RERE: variants seen among roughly 807,000 people sequenced by gnomAD.
RERE encodes the protein arginine-glutamic acid dipeptide repeats protein.
RERE carries 40 observed loss-of-function variants against 146.1 expected under a neutral mutation model. The observed-to-expected ratio is 0.27, with a 90% CI of 0.21 to 0.36. RERE has a LOEUF of 0.36. Among genes scored for constraint, RERE ranks in the 10% least tolerant of loss-of-function variants. RERE has a pLI of 1.00. For missense variants in RERE, 1,933 were observed against 2,138.7 expected (o/e 0.90, Z 1.90); for synonymous variants, 1,003 against 866.0 (o/e 1.16, Z -2.78).
At chr1:8,560,644 T>C (rs540966452) in intron 4 of RERE, among the ~76,000 whole-genome samples, 6 of 152,274 alleles carry the variant, frequency 3.9e-5, no homozygotes, top group East Asian at 3.9e-4. Flanking sequence ...ACTGAAAGAA[T>C]AGAAAAGACA....
chr1:8,386,013 TATATATATA>T (rs1314270438), intron 12 of RERE, among the ~76,000 whole-genome samples: 3 of 42,254 alleles, frequency 7.1e-5, no homozygotes, highest in Non-Finnish European at 4.4e-5. Context: ...TATATATATA[TATATATATA>T]TTTTTTTTTT....
chr1:8,391,169 C>G (rs866299311), intron 12 of RERE, among the ~76,000 whole-genome samples: 1 of 152,194 alleles, frequency 6.6e-6, no homozygotes, highest in Admixed American at 6.5e-5. Flanking sequence ...TTGTCACATT[C>G]TCAGCACAAA....
chr1:8,447,472 G>C (rs1429234407), intron 11 of RERE, among the ~76,000 whole-genome samples: 1 of 152,056 alleles, frequency 6.6e-6, no homozygotes, highest in East Asian at 1.9e-4. Flanking sequence ...CCTTCAGATG[G>C]GGTTTCTGTG....
At chr1:8,559,300 A>AAAAAAAAAAAAAAAAAC (rs1646048085) in intron 4 of RERE, among the ~76,000 whole-genome samples, 2 of 145,870 alleles carry the variant, frequency 1.4e-5, no homozygotes, top group Non-Finnish European at 3.0e-5. Flanking sequence ...AAAAAAAAAA[A>AAAAAAAAAAAAAAAAAC]AAAACAGAAC....
chr1:8,577,310 C>T (rs1646308270), intron 4 of RERE, among the ~76,000 whole-genome samples: 1 of 152,122 alleles, frequency 6.6e-6, no homozygotes, highest in Admixed American at 6.5e-5. Context: ...TGCTCTCTCT[C>T]TCTCCCCTCT....
At chr1:8,552,284 A>C (rs1003775439) in intron 6 of RERE, among the ~76,000 whole-genome samples, 2 of 152,200 alleles carry the variant, frequency 1.3e-5, no homozygotes, top group Non-Finnish European at 2.9e-5. Context: ...AACCTTATAC[A>C]TCAGTTTCCT....
At chr1:8,600,647 T>TA (rs1646610187) in intron 4 of RERE, among the ~76,000 whole-genome samples, 1 of 151,848 alleles carries the variant, frequency 6.6e-6, no homozygotes, top group Non-Finnish European at 1.5e-5. Flanking sequence ...ATTAACCAAA[T>TA]ACTAAAGTTA....
intron 4 of RERE, among the ~76,000 whole-genome samples, chr1:8,572,023 C>G (rs1646227837): frequency 6.6e-6 from 1 of 152,216 alleles, no homozygotes; most frequent in South Asian, 2.1e-4. Flanking sequence ...ATGTTCATAT[C>G]TTCTGCAGTA....
At chr1:8,411,635 A>G (rs889775491) in intron 12 of RERE, among the ~76,000 whole-genome samples, 5 of 152,210 alleles carry the variant, frequency 3.3e-5, no homozygotes, top group Admixed American at 2.0e-4. Flanking sequence ...TGGATACATG[A>G]CATGGAAACA....
At chr1:8,405,406 AT>A (rs1390268461) in intron 12 of RERE, among the ~76,000 whole-genome samples, 2 of 152,236 alleles carry the variant, frequency 1.3e-5, no homozygotes, top group Non-Finnish European at 2.9e-5. Flanking sequence ...ATAACATGAT[AT>A]CTTTTAAAAA....
At chr1:8,723,764 T>C (rs1557504056) in intron 1 of RERE, among the ~76,000 whole-genome samples, 1 of 152,230 alleles carries the variant, frequency 6.6e-6, no homozygotes, top group Non-Finnish European at 1.5e-5. Context: ...AAGTAACCAC[T>C]ACCTGTACAG....
At chr1:8,576,550 A>G (rs1236774521) in intron 4 of RERE, among the ~76,000 whole-genome samples, 2 of 152,196 alleles carry the variant, frequency 1.3e-5, no homozygotes, top group Non-Finnish European at 2.9e-5. Flanking sequence ...AAGTCATCTA[A>G]AAAAAATTAA....
chr1:8,750,355 C>A, intron 1 of RERE: 1 of 623,222 alleles, frequency 1.6e-6, no homozygotes, highest in East Asian at 2.7e-5. Flanking sequence ...AACCATTCTG[C>A]CTCATTCAAC....
intron 4 of RERE, among the ~76,000 whole-genome samples, chr1:8,593,098 C>T (rs1204229592): frequency 1.3e-5 from 2 of 152,124 alleles, no homozygotes; most frequent in South Asian, 2.1e-4. Flanking sequence ...CAGACATGTC[C>T]AACTGTGGCA....
chr1:8,363,566 G>A (rs912315390), intron 15 of RERE: 2 of 162,344 alleles, frequency 1.2e-5, no homozygotes, highest in African/African-American at 2.4e-5. Flanking sequence ...CCTGGAAAAA[G>A]CCTCTCCCAA....
At chr1:8,380,010 G>C (rs1331271885) in intron 12 of RERE, among the ~76,000 whole-genome samples, 4 of 152,304 alleles carry the variant, frequency 2.6e-5, no homozygotes, top group African/African-American at 7.2e-5. Context: ...CTGTTGTCAT[G>C]ATGGGTGACC....
chr1:8,631,755 C>G (rs79094556), intron 2 of RERE, among the ~76,000 whole-genome samples: 2,307 of 152,286 alleles, frequency 0.015, 60 homozygotes, highest in African/African-American at 0.053. Context: ...TTCCAGTTAA[C>G]TGATGTGGAT....
intron 12 of RERE, among the ~76,000 whole-genome samples, chr1:8,370,174 C>A (rs1641981793): frequency 6.6e-6 from 1 of 152,060 alleles, no homozygotes; most frequent in South Asian, 2.1e-4. Context: ...GGTATCCCCA[C>A]ATTCACTGGA....
At chr1:8,499,136 T>C (rs1645093610) in intron 8 of RERE, among the ~76,000 whole-genome samples, 3 of 152,140 alleles carry the variant, frequency 2.0e-5, no homozygotes, top group Non-Finnish European at 2.9e-5. Context: ...GTCAGATATT[T>C]GCAAGATACT....
Sources: gnomAD v4.1 joint callset for allele counts (sites outside exome capture counted in the v4.1 genomes callset) on GRCh38, gnomAD v4.1.1 for gene constraint, MANE v1.5 for transcripts, NCBI Gene and HGNC (gene_info 2026-07-23, HGNC 2026-07-21) for gene names.